MAP4K3: variants seen among roughly 807,000 people sequenced by gnomAD.
MAP4K3 encodes the protein mitogen-activated protein kinase kinase kinase kinase 3, also known as MAPK/ERK kinase kinase kinase 3.
A neutral mutation model predicts 143.5 loss-of-function variants in MAP4K3; 94 were observed. The ratio of observed to expected loss-of-function variants is 0.65; its 90% confidence interval spans 0.55 to 0.78. The LOEUF is 0.78. MAP4K3 is among the 30% of genes least tolerant of loss of function. The pLI, the probability that MAP4K3 is intolerant of heterozygous loss-of-function variation, is 0.00. For synonymous variants in MAP4K3, 416 were observed against 347.2 expected (o/e 1.20, Z -2.20); for missense variants, 1,077 against 1,068.1 (o/e 1.01, Z -0.12).
rs927067661 is a variant in MAP4K3, at chr2:39,287,495, G to T, written c.1475-531C>A. 3.9e-5 allele frequency among the ~76,000 whole-genome samples: 6 copies of T among 151,904 alleles called. No individual in the cohort carries two copies. The East Asian group carries it at 1.2e-3, about 29-fold the overall frequency. ...TATTTTTTTTTTTAGTAGAGATGGA[G>T]TTTCACCATGTTGGTCAGGCTGGTC... On this transcript the variant is annotated intron_variant, in intron 20 of 33. Coordinates refer to ENST00000263881, the MANE Select transcript of MAP4K3 (RefSeq NM_003618.4).
intron 1 of MAP4K3, among the ~76,000 whole-genome samples, chr2:39,417,666 A>G (rs1417144820): frequency 6.6e-6 from 1 of 152,218 alleles, no homozygotes; most frequent in Non-Finnish European, 1.5e-5. Flanking sequence ...ATAATTATAG[A>G]TATGTATGTA....
Position 39,261,693 on chromosome 2 carries a change from C to T in MAP4K3, c.2137-916G>A, listed in dbSNP as rs114359666. 5.9e-5 allele frequency among the ~76,000 whole-genome samples: 9 copies of T among 152,096 alleles called. No individual in the cohort carries two copies. The East Asian group carries it at 7.7e-4, about 13-fold the overall frequency. ...GACAAATGCAAAACAGATAAAATTA[C>T]GGCACATTCACAAAATAAAAAATTA... On this transcript the variant is annotated intron_variant, in intron 28 of 33. Coordinates refer to ENST00000263881, the MANE Select transcript of MAP4K3 (RefSeq NM_003618.4).
intron 21 of MAP4K3, among the ~76,000 whole-genome samples, chr2:39,282,860 T>C (rs1482354335): frequency 3.9e-5 from 6 of 152,170 alleles, no homozygotes; most frequent in Admixed American, 6.6e-5. Context: ...CCATAGAAAA[T>C]AGTGTTTGTG....
chr2:39,426,147 C>T (rs1428705930), intron 1 of MAP4K3, among the ~76,000 whole-genome samples: 1 of 152,202 alleles, frequency 6.6e-6, no homozygotes. Flanking sequence ...CTTCCTGATA[C>T]GATTCACTGA....
At chr2:39,353,129 C>T (rs181255096) in intron 3 of MAP4K3, among the ~76,000 whole-genome samples, 10 of 152,296 alleles carry the variant, frequency 6.6e-5, no homozygotes, top group South Asian at 2.1e-4. Flanking sequence ...AATCCCAGTG[C>T]CACTAATGAG....
intron 8 of MAP4K3, among the ~76,000 whole-genome samples, chr2:39,330,309 G>T (rs1683642158): frequency 6.6e-6 from 1 of 152,008 alleles, no homozygotes. Flanking sequence ...TCACACCATG[G>T]GCACCACAGA....
intron 14 of MAP4K3, among the ~76,000 whole-genome samples, chr2:39,309,149 G>T (rs568007225): frequency 6.6e-5 from 10 of 151,878 alleles, no homozygotes; most frequent in Non-Finnish European, 1.0e-4. Context: ...TTAAAGACAA[G>T]GTCTCACACT....
intron 3 of MAP4K3, among the ~76,000 whole-genome samples, chr2:39,355,703 C>A (rs1403038074): frequency 2.0e-5 from 3 of 152,042 alleles, no homozygotes; most frequent in Non-Finnish European, 4.4e-5. Flanking sequence ...AACCTAAGAA[C>A]CTGGCTTGGG....
At chr2:39,337,451 C>A in intron 5 of MAP4K3, 75 bp downstream of exon 5, 1 of 1,024,844 alleles carries the variant, frequency 9.8e-7, no homozygotes, top group South Asian at 1.5e-5. Context: ...TCTTACTTTG[C>A]TGAACAGGTA....
intron 21 of MAP4K3, among the ~76,000 whole-genome samples, chr2:39,284,008 T>C (rs1034427393): frequency 3.3e-5 from 5 of 152,206 alleles, no homozygotes; most frequent in Admixed American, 3.3e-4. Flanking sequence ...TGACATACTT[T>C]GTAGATATAT....
At chr2:39,271,079 T>C (rs1027978655) in intron 26 of MAP4K3, among the ~76,000 whole-genome samples, 3 of 152,122 alleles carry the variant, frequency 2.0e-5, no homozygotes, top group African/African-American at 7.2e-5. Context: ...GTCCCATATC[T>C]AGTAAGTCAA....
intron 1 of MAP4K3, among the ~76,000 whole-genome samples, chr2:39,398,922 T>C (rs906384269): frequency 1.3e-5 from 2 of 151,132 alleles, no homozygotes; most frequent in African/African-American, 4.9e-5. Context: ...TGCACACCTA[T>C]AGCTCCAGCT....
At chr2:39,364,022 C>G (rs1665848445) in intron 2 of MAP4K3, among the ~76,000 whole-genome samples, 1 of 146,362 alleles carries the variant, frequency 6.8e-6, no homozygotes, top group South Asian at 2.1e-4. Flanking sequence ...AAGACAATAG[C>G]AAGTGTTGTC....
intron 24 of MAP4K3, among the ~76,000 whole-genome samples, chr2:39,273,648 G>A (rs767853406): frequency 1.8e-4 from 27 of 152,142 alleles, no homozygotes; most frequent in Non-Finnish European, 3.2e-4. Flanking sequence ...TAAAAGGGAG[G>A]AGAAACAAAG....
chr2:39,341,180 A>T (rs1351097077), intron 4 of MAP4K3, among the ~76,000 whole-genome samples: 2 of 152,212 alleles, frequency 1.3e-5, no homozygotes, highest in South Asian at 4.1e-4. Context: ...CCTGCAAAGG[A>T]TCAATAATTA....
At chr2:39,325,451 T>C in intron 12 of MAP4K3, 67 bp downstream of exon 12, 2 of 1,084,352 alleles carry the variant, frequency 1.8e-6, no homozygotes, top group South Asian at 1.7e-5. Flanking sequence ...GAGACGTACA[T>C]ACAGACACAC....
chr2:39,294,845 T>C (rs1223043842), intron 16 of MAP4K3, among the ~76,000 whole-genome samples: 3 of 152,176 alleles, frequency 2.0e-5, no homozygotes, highest in Non-Finnish European at 4.4e-5. Context: ...TGGGGTCTCT[T>C]AGTCTCCTGT....
chr2:39,383,715 T>C (rs775445684), intron 1 of MAP4K3, among the ~76,000 whole-genome samples: 1 of 152,066 alleles, frequency 6.6e-6, no homozygotes, highest in African/African-American at 2.4e-5. Context: ...AAGGTTAATA[T>C]ACCAATAAAC....
chr2:39,280,181 G>A, intron 23 of MAP4K3, 91 bp downstream of exon 23: 4 of 712,968 alleles, frequency 5.6e-6, no homozygotes, highest in East Asian at 2.8e-5. Flanking sequence ...TCCCCAGAAA[G>A]ATACTCAGAA....
Sources: gnomAD v4.1 joint callset for allele counts (sites outside exome capture counted in the v4.1 genomes callset) on GRCh38, gnomAD v4.1.1 for gene constraint, MANE v1.5 for transcripts, NCBI Gene and HGNC (gene_info 2026-07-23, HGNC 2026-07-21) for gene names.